PDCD4: variants seen among roughly 807,000 people sequenced by gnomAD.
PDCD4 encodes the protein programmed cell death protein 4.
A neutral mutation model predicts 54.0 loss-of-function variants in PDCD4; 56 were observed. The observed-to-expected ratio is 1.04, with a 90% CI of 0.84 to 1.30. PDCD4 has a LOEUF of 1.30. Among genes scored for constraint, PDCD4 ranks in the 50% most tolerant of loss-of-function variants. The pLI is 0.00. For missense variants in PDCD4, 584 were observed against 559.8 expected (o/e 1.04, Z -0.44); for synonymous variants, 186 against 194.8 (o/e 0.95, Z 0.37).
chr10:110,893,026 G>A (rs1845778708), intron 8 of PDCD4, among the ~76,000 whole-genome samples: 1 of 152,020 alleles, frequency 6.6e-6, no homozygotes, highest in Non-Finnish European at 1.5e-5. Flanking sequence ...TAGCCTAGGA[G>A]CAATAGGCTA....
At chr10:110,890,052 T>C (rs1372143598) in intron 7 of PDCD4, among the ~76,000 whole-genome samples, 1 of 152,250 alleles carries the variant, frequency 6.6e-6, no homozygotes, top group Non-Finnish European at 1.5e-5. Context: ...AGTCAGAAAG[T>C]ATCTTTTTCA....
rs887854410 is a variant in PDCD4 at position 110,890,636 on chromosome 10, G to A, written c.956G>A (p.Gly319Asp). 6.2e-7 allele frequency: 1 copy of A among 1,612,564 alleles called. No individual in the cohort carries two copies. Among genetic ancestry groups the A allele is most frequent in the Admixed American group, 1.7e-5 (1 of 59,996 alleles). ...KRKDSVWGSGGGQQSVNHLVK... is the reference protein window; with the variant it reads ...KRKDSVWGSGDGQQSVNHLVK... ...AAAGATAGTGTGTGGGGCTCTGGAGGTGGGCAGCAATCTGTCAATCACCTT... is the reference window on the plus strand; with the variant it reads ...AAAGATAGTGTGTGGGGCTCTGGAGATGGGCAGCAATCTGTCAATCACCTT... Residue 319 changes from glycine (G) to aspartate (D), a missense_variant, in exon 8 of 12, where the codon GGT becomes GAT. Physicochemically the swap from Gly to Asp is moderately conservative, Grantham distance 94. Coordinates refer to ENST00000280154, the MANE Select transcript of PDCD4 (RefSeq NM_014456.5).
At chr10:110,895,813 G>T (rs190422444) in intron 10 of PDCD4, 135 bp from the exon 11 acceptor site, 7 of 605,670 alleles carry the variant, frequency 1.2e-5, no homozygotes, top group African/African-American at 5.8e-5. Context: ...TGCTTCTCAC[G>T]ATTCAAATCT....
At chr10:110,885,401 A>AT in intron 5 of PDCD4, 35 bp downstream of exon 5, 1 of 942,188 alleles carries the variant, frequency 1.1e-6, no homozygotes, top group South Asian at 1.4e-5. Context: ...TTTATTTAAT[A>AT]TAGGAGAGAA....
intron 2 of PDCD4, 151 bp from the exon 3 acceptor site, chr10:110,881,082 T>C: frequency 1.7e-6 from 1 of 594,310 alleles, no homozygotes; most frequent in African/African-American, 1.9e-5. Flanking sequence ...TTTATTAGAT[T>C]GAAGTAGATG....
intron 11 of PDCD4, among the ~76,000 whole-genome samples, chr10:110,896,873 C>A (rs1342216585): frequency 6.6e-6 from 1 of 151,734 alleles, no homozygotes; most frequent in Non-Finnish European, 1.5e-5. Context: ...GGGGCCTTTG[C>A]TTTAGAATTT....
intron 1 of PDCD4, among the ~76,000 whole-genome samples, chr10:110,875,134 A>G (rs185858517): frequency 3.3e-5 from 5 of 152,226 alleles, no homozygotes; most frequent in African/African-American, 1.2e-4. Context: ...TTTGAAAACT[A>G]TTTTGATATT....
At chr10:110,876,963 C>T (rs1845514821) in intron 2 of PDCD4, among the ~76,000 whole-genome samples, 1 of 151,944 alleles carries the variant, frequency 6.6e-6, no homozygotes, top group Non-Finnish European at 1.5e-5. Context: ...TCTTTCTTTC[C>T]TCAGTGACTT....
intron 10 of PDCD4, among the ~76,000 whole-genome samples, chr10:110,894,764 T>C (rs987912972): frequency 6.6e-6 from 1 of 151,642 alleles, no homozygotes; most frequent in African/African-American, 2.4e-5. Flanking sequence ...TAATTATGTA[T>C]TCTACCTCAA....
intron 11 of PDCD4, among the ~76,000 whole-genome samples, chr10:110,897,682 T>C (rs533577591): frequency 4.6e-5 from 7 of 152,342 alleles, no homozygotes; most frequent in African/African-American, 1.7e-4. Context: ...TAGTGTTTCC[T>C]ATTTGGCTTA....
At chr10:110,896,395 A>T (rs1376607127) in intron 11 of PDCD4, among the ~76,000 whole-genome samples, 2 of 152,192 alleles carry the variant, frequency 1.3e-5, no homozygotes, top group African/African-American at 4.8e-5. Context: ...GGGAGGTATA[A>T]TGTACTTTTT....
At chr10:110,873,762 T>C (rs1427681459) in intron 1 of PDCD4, among the ~76,000 whole-genome samples, 1 of 152,176 alleles carries the variant, frequency 6.6e-6, no homozygotes, top group African/African-American at 2.4e-5. Context: ...TCTTAAAACG[T>C]GTTTGTTGCT....
intron 1 of PDCD4, among the ~76,000 whole-genome samples, chr10:110,873,679 G>A (rs966347722): frequency 5.9e-5 from 9 of 152,066 alleles, no homozygotes; most frequent in Admixed American, 2.0e-4. Context: ...GCCAATTAAG[G>A]GTTGTTAAAT....
At chr10:110,886,870 C>T (rs893600947) in intron 5 of PDCD4, among the ~76,000 whole-genome samples, 1 of 152,050 alleles carries the variant, frequency 6.6e-6, no homozygotes, top group Non-Finnish European at 1.5e-5. Context: ...CATTTAAAAA[C>T]AGTTGTTTAA....
At position 110,883,060 on chromosome 10, in the gene PDCD4, A is replaced by G. The variant is rs780404376; in HGVS notation, c.404A>G (p.Glu135Gly). 6.3e-6 allele frequency: 10 copies of G among 1,598,054 alleles called. No homozygotes were observed. The highest frequency in any genetic ancestry group is 8.5e-6 in the Non-Finnish European group (10 of 1,173,958). The change falls in exon 4 of 12, where the codon GAG becomes GGG. Residue 135 changes from glutamate (E) to glycine (G), a missense_variant. Physicochemically the swap from Glu to Gly is moderately conservative, Grantham distance 98. Transcript: ENST00000280154. ...CCTGGACAGGTGTATGATGTGGAGG[A>G]GGTGGATGTGAAAGATCCTAACTAT... ...GTPGQVYDVE[E>G]VDVKDPNYDD...
chr10:110,884,272 G>C (rs1292286093), intron 4 of PDCD4, among the ~76,000 whole-genome samples: 2 of 152,140 alleles, frequency 1.3e-5, no homozygotes, highest in Non-Finnish European at 2.9e-5. Flanking sequence ...ATCGGATTGA[G>C]AAAACAGTAT....
intron 8 of PDCD4, among the ~76,000 whole-genome samples, chr10:110,893,662 C>T (rs1845789357): frequency 6.6e-6 from 1 of 152,010 alleles, no homozygotes; most frequent in Admixed American, 6.6e-5. Flanking sequence ...ATTATCATCT[C>T]TCATTTTTTG....
At chr10:110,886,348 C>T (rs1475592311) in intron 5 of PDCD4, among the ~76,000 whole-genome samples, 1 of 152,062 alleles carries the variant, frequency 6.6e-6, no homozygotes, top group Non-Finnish European at 1.5e-5. Context: ...AGAGATGATT[C>T]TCTGCTGTCT....
rs1590733519 is a variant in PDCD4 at position 110,887,648 on chromosome 10, A to T, written c.556-17A>T. 6.4e-7 allele frequency: 1 copy of T among 1,571,622 alleles called. No homozygotes were observed. On this transcript the variant is annotated splice_polypyrimidine_tract_variant and intron_variant, in intron 5 of 11. Transcript: ENST00000280154. ...TGATACACTTTTAAAATGTTTTTAA[A>T]TTATTTTTTTGAACAGGAAATGTTA... is the stretch of plus-strand genomic sequence containing the variant.
Sources: allele counts gnomAD v4.1 joint callset (sites outside exome capture counted in the v4.1 genomes callset), GRCh38; gene constraint gnomAD v4.1.1; transcripts MANE v1.5; gene names NCBI Gene and HGNC (gene_info 2026-07-23, HGNC 2026-07-21).